CHSY1: variants seen among roughly 807,000 people sequenced by gnomAD.
CHSY1 encodes N-acetylgalactosaminyl-proteoglycan 3-beta-glucuronosyltransferase 1.
In CHSY1, 13 loss-of-function variants were observed where a neutral mutation model predicts 59.8. That is an observed-to-expected ratio of 0.22 (90% CI 0.14 to 0.35). CHSY1 has a LOEUF of 0.35. Ranked by LOEUF, CHSY1 falls within the 10% of genes least tolerant of loss-of-function variation. CHSY1 has a pLI of 1.00. For synonymous variants in CHSY1, 459 were observed against 401.2 expected (o/e 1.14, Z -1.72); for missense variants, 947 against 1,030.6 (o/e 0.92, Z 1.11).
At chr15:101,246,779 C>T (rs1030567885) in intron 1 of CHSY1, among the ~76,000 whole-genome samples, 8 of 152,134 alleles carry the variant, frequency 5.3e-5, no homozygotes, top group African/African-American at 1.9e-4. Flanking sequence ...TAACTGTGAA[C>T]CTGGGGTAGA....
At position 101,207,096 on chromosome 15, in the gene CHSY1, C is replaced by T. The variant is rs191902252; in HGVS notation, c.816+27986G>A. ...AAAACCTAAAAGGGGAAAAATCCTA[C>T]TAAGATAACTGAAACAAATATTGTC... On this transcript the variant is annotated intron_variant, in intron 2 of 2. Coordinates refer to ENST00000254190, the MANE Select transcript of CHSY1 (RefSeq NM_014918.5). Among the ~76,000 whole-genome samples, 130 of 152,254 alleles carry T rather than the reference C, an allele frequency of 8.5e-4. 1 individual carries two copies. The highest frequency in any genetic ancestry group is 6.8e-3 in the Middle Eastern group (2 of 294).
chr15:101,183,421 G>A (rs2038308305), intron 2 of CHSY1, among the ~76,000 whole-genome samples: 1 of 152,180 alleles, frequency 6.6e-6, no homozygotes, highest in African/African-American at 2.4e-5. Context: ...ACACCACTGG[G>A]AGCTGAAGAA....
chr15:101,236,959 C>G (rs556126279), intron 1 of CHSY1, among the ~76,000 whole-genome samples: 1 of 151,904 alleles, frequency 6.6e-6, no homozygotes, highest in African/African-American at 2.4e-5. Flanking sequence ...GTGGCTCATG[C>G]CTGTAATCCC....
chr15:101,183,730 T>C (rs2038312374), intron 2 of CHSY1, among the ~76,000 whole-genome samples: 1 of 151,926 alleles, frequency 6.6e-6, no homozygotes. Flanking sequence ...CGGGGGAGGG[T>C]GTGGGTGCCC....
At chr15:101,190,795 C>A (rs2038432529) in intron 2 of CHSY1, among the ~76,000 whole-genome samples, 1 of 152,132 alleles carries the variant, frequency 6.6e-6, no homozygotes, top group South Asian at 2.1e-4. Flanking sequence ...TAACAAGCAC[C>A]TTGCCGAAGT....
intron 2 of CHSY1, among the ~76,000 whole-genome samples, chr15:101,210,230 G>A (rs2038670216): frequency 6.6e-6 from 1 of 152,212 alleles, no homozygotes; most frequent in Admixed American, 6.5e-5. Flanking sequence ...CAGGGAGTTA[G>A]TAAGGCCTAT....
At chr15:101,193,171 G>T (rs1211385303) in intron 2 of CHSY1, among the ~76,000 whole-genome samples, 1 of 152,182 alleles carries the variant, frequency 6.6e-6, no homozygotes, top group African/African-American at 2.4e-5. Context: ...CTCTCTCTCG[G>T]GCTGGTTCTT....
intron 2 of CHSY1, among the ~76,000 whole-genome samples, chr15:101,197,754 T>A (rs961914843): frequency 6.6e-6 from 1 of 152,242 alleles, no homozygotes; most frequent in African/African-American, 2.4e-5. Flanking sequence ...TTCTTACGAA[T>A]GGAAATACTT....
chr15:101,199,097 C>T (rs970656877), intron 2 of CHSY1, among the ~76,000 whole-genome samples: 2 of 152,246 alleles, frequency 1.3e-5, no homozygotes, highest in Non-Finnish European at 2.9e-5. Flanking sequence ...GCCCAAACCA[C>T]ATGCCTGACC....
At position 101,251,678 on chromosome 15, in the gene CHSY1, G is replaced by T. The variant is rs1005356165; in HGVS notation, c.-222C>A. 6.8e-6 allele frequency: 1 copy of T among 147,262 alleles called. No individual in the cohort carries two copies. Among genetic ancestry groups the T allele is most frequent in the African/African-American group, 2.5e-5 (1 of 40,802 alleles). The allele number at this position is 147,262 out of a possible 1,614,324, so 9.1% of individuals were successfully genotyped here. Reference sequence around the variant, plus strand: ...GCCCGCCCCCGCCGCCGCGGCCTGCGCCTTTAAGAGGGGACCATGCCCGGC... The same window carrying T: ...GCCCGCCCCCGCCGCCGCGGCCTGCTCCTTTAAGAGGGGACCATGCCCGGC... On this transcript the variant is annotated 5_prime_UTR_variant, in exon 1 of 3. Coordinates refer to ENST00000254190, the MANE Select transcript of CHSY1 (RefSeq NM_014918.5).
chr15:101,230,215 G>A (rs919305189), intron 2 of CHSY1, among the ~76,000 whole-genome samples: 22 of 152,164 alleles, frequency 1.4e-4, no homozygotes, highest in African/African-American at 4.6e-4. Flanking sequence ...GTGCTGAGCC[G>A]CCACGCCCGG....
At chr15:101,182,069 T>C (rs2038287862) in intron 2 of CHSY1, among the ~76,000 whole-genome samples, 1 of 152,208 alleles carries the variant, frequency 6.6e-6, no homozygotes, top group Non-Finnish European at 1.5e-5. Context: ...GTTTACAAAA[T>C]CAACCGTCTG....
Position 101,177,736 on chromosome 15 carries a change from G to A in CHSY1, c.2061C>T (p.Phe687=). 1 of 1,614,194 alleles carries A rather than the reference G, an allele frequency of 6.2e-7. No individual in the cohort carries two copies. Among genetic ancestry groups the A allele is most frequent in the Non-Finnish European group, 8.5e-7 (1 of 1,180,034 alleles). Residue 687 remains phenylalanine (F), a synonymous_variant, in exon 3 of 3, where the codon TTC becomes TTT. Coordinates refer to ENST00000254190, the MANE Select transcript of CHSY1 (RefSeq NM_014918.5). ...TGATGCCAAACCCATAGTTTCTCCAGAAGCCAGTTTTCTGAGTAAAGGCAA... is the reference window on the plus strand; with the variant it reads ...TGATGCCAAACCCATAGTTTCTCCAAAAGCCAGTTTTCTGAGTAAAGGCAA... The part of the protein sequence containing the change: ...NHFAFTQKTG[F]WRNYGFGITC...
intron 2 of CHSY1, among the ~76,000 whole-genome samples, chr15:101,208,426 C>T (rs961600917): frequency 6.6e-6 from 1 of 152,030 alleles, no homozygotes. Context: ...CAAAAAGATA[C>T]AGAAGGCCAG....
At chr15:101,217,369 G>A (rs1356428737) in intron 2 of CHSY1, among the ~76,000 whole-genome samples, 1 of 152,162 alleles carries the variant, frequency 6.6e-6, no homozygotes, top group Non-Finnish European at 1.5e-5. Flanking sequence ...GTATACACAT[G>A]GGTTAGTATA....
chr15:101,199,802 C>T (rs888839619), intron 2 of CHSY1, among the ~76,000 whole-genome samples: 8 of 152,176 alleles, frequency 5.3e-5, no homozygotes, highest in African/African-American at 1.2e-4. Context: ...CAGTCTACTT[C>T]GGTTTTGTGC....
At chr15:101,215,394 C>T (rs1038354247) in intron 2 of CHSY1, among the ~76,000 whole-genome samples, 1 of 152,220 alleles carries the variant, frequency 6.6e-6, no homozygotes, top group African/African-American at 2.4e-5. Context: ...TTAACAGCTA[C>T]TGAGTAAGAC....
chr15:101,182,413 A>G (rs976539111), intron 2 of CHSY1, among the ~76,000 whole-genome samples: 1 of 152,252 alleles, frequency 6.6e-6, no homozygotes, highest in African/African-American at 2.4e-5. Context: ...AACAGGAGGC[A>G]GCTATGAAGT....
chr15:101,182,548 T>C (rs1483338179), intron 2 of CHSY1, among the ~76,000 whole-genome samples: 1 of 152,216 alleles, frequency 6.6e-6, no homozygotes, highest in Non-Finnish European at 1.5e-5. Flanking sequence ...TTCCAGAAAT[T>C]ACACCCAAGC....
Sources: allele counts gnomAD v4.1 joint callset (sites outside exome capture counted in the v4.1 genomes callset), GRCh38; gene constraint gnomAD v4.1.1; transcripts MANE v1.5; gene names NCBI Gene and HGNC (gene_info 2026-07-23, HGNC 2026-07-21).